ZDHHC21: variants seen among roughly 807,000 people sequenced by gnomAD.
ZDHHC21 encodes zDHHC palmitoyltransferase 21, also known as palmitoyltransferase ZDHHC21.
A neutral mutation model predicts 34.6 loss-of-function variants in ZDHHC21; 15 were observed. The ratio of observed to expected loss-of-function variants is 0.43; its 90% CI spans 0.29 to 0.67. ZDHHC21 has a LOEUF of 0.67. Ranked by LOEUF, ZDHHC21 falls within the 30% of genes least tolerant of loss-of-function variation. The pLI is 0.14. For synonymous variants in ZDHHC21, 142 were observed against 101.8 expected, an observed-to-expected ratio of 1.40 and a Z score of -2.38; for missense variants, 344 against 327.7, an observed-to-expected ratio of 1.05 and a Z score of -0.38.
chr9:14,649,230 G>A (rs1222749573), intron 7 of ZDHHC21, among the ~76,000 whole-genome samples: 1 of 151,920 alleles, frequency 6.6e-6, no homozygotes, highest in African/African-American at 2.4e-5. Context: ...GTTGTTAAAA[G>A]AATAGAAACA....
chr9:14,633,498 C>T (rs1213150838), intron 8 of ZDHHC21, among the ~76,000 whole-genome samples: 1 of 152,154 alleles, frequency 6.6e-6, no homozygotes, highest in East Asian at 1.9e-4. Context: ...TGCTGGGTCC[C>T]GCACAGCCTT....
intron 2 of ZDHHC21, among the ~76,000 whole-genome samples, chr9:14,684,001 G>A (rs113762508): frequency 0.021 from 3,130 of 152,210 alleles, 104 homozygotes; most frequent in African/African-American, 0.069. Flanking sequence ...AAATTCAACA[G>A]CCCTTCATGC....
chr9:14,631,042 A>G (rs771084803), intron 8 of ZDHHC21, among the ~76,000 whole-genome samples: 42 of 152,208 alleles, frequency 2.8e-4, no homozygotes, highest in Non-Finnish European at 5.6e-4. Context: ...CAAGAGAGTC[A>G]GTCTGTCCTG....
chr9:14,589,053 T>G, the ZDHHC21 span: 2 of 151,822 alleles, frequency 1.3e-5, no homozygotes, highest in African/African-American at 4.8e-5. Flanking sequence ...AAATTATGGC[T>G]CATAAATTAG....
rs1268492936 is a variant in ZDHHC21, at chr9:14,616,056, G to C, written c.*2910C>G. 1.3e-5 allele frequency: 2 copies of C among 151,392 alleles called. No individual in the cohort carries two copies. Among genetic ancestry groups the C allele is most frequent in the Non-Finnish European group, 3.0e-5 (2 of 67,624 alleles). The allele number at this position is 151,392 out of a possible 1,614,324, so 9.4% of individuals were successfully genotyped here. On this transcript the variant is annotated 3_prime_UTR_variant, in exon 10 of 10. Transcript: ENST00000380916. ...ACAAAGAAAAGGAAAATTATACAAA[G>C]AATCATTAATCTCTTAGTTATTTTA...
At chr9:14,644,517 A>G (rs1829948573) in intron 7 of ZDHHC21, among the ~76,000 whole-genome samples, 1 of 151,496 alleles carries the variant, frequency 6.6e-6, no homozygotes, top group Non-Finnish European at 1.5e-5. Flanking sequence ...TTTTTTTTTT[A>G]AGGGGGTCGG....
At chr9:14,681,424 C>G (rs1412497356) in intron 2 of ZDHHC21, among the ~76,000 whole-genome samples, 1 of 152,112 alleles carries the variant, frequency 6.6e-6, no homozygotes, top group African/African-American at 2.4e-5. Context: ...TGGTCATAGC[C>G]TACTAAACCA....
At chr9:14,623,275 G>A (rs555903776) in intron 8 of ZDHHC21, among the ~76,000 whole-genome samples, 1 of 152,158 alleles carries the variant, frequency 6.6e-6, no homozygotes, top group Non-Finnish European at 1.5e-5. Flanking sequence ...GACTTTGGGA[G>A]GCCAAGGCAG....
intron 7 of ZDHHC21, among the ~76,000 whole-genome samples, chr9:14,651,362 A>G (rs1224420902): frequency 2.0e-5 from 3 of 151,886 alleles, no homozygotes; most frequent in African/African-American, 7.2e-5. Context: ...GAAAAATGCA[A>G]AAAGTAGTAT....
At chr9:14,622,469 G>A (rs1042195718) in intron 8 of ZDHHC21, 1 of 959,594 alleles carries the variant, frequency 1.0e-6, no homozygotes, top group Non-Finnish European at 1.2e-6. Flanking sequence ...TTGATGTTAG[G>A]AAAATGAGAG....
chr9:14,639,344 C>A (rs1828892002), intron 8 of ZDHHC21, among the ~76,000 whole-genome samples: 1 of 151,954 alleles, frequency 6.6e-6, no homozygotes, highest in African/African-American at 2.4e-5. Context: ...ATGAGAGATA[C>A]AAGAGGCTGG....
chr9:14,641,741 T>C (rs745944253), intron 7 of ZDHHC21, among the ~76,000 whole-genome samples: 1 of 152,180 alleles, frequency 6.6e-6, no homozygotes, highest in African/African-American at 2.4e-5. Context: ...GATGCTCACT[T>C]CCATAAGAAA....
chr9:14,674,841 T>C (rs1225876423), intron 3 of ZDHHC21, among the ~76,000 whole-genome samples: 1 of 151,900 alleles, frequency 6.6e-6, no homozygotes, highest in Non-Finnish European at 1.5e-5. Context: ...GTTGCAGGGG[T>C]GTATATTAAC....
At chr9:14,656,453 CAT>C (rs1334299552) in intron 7 of ZDHHC21, among the ~76,000 whole-genome samples, 1 of 151,758 alleles carries the variant, frequency 6.6e-6, no homozygotes, top group Non-Finnish European at 1.5e-5. Context: ...ATTGAGATAA[CAT>C]ATAAACAAAA....
intron 8 of ZDHHC21, among the ~76,000 whole-genome samples, chr9:14,633,123 G>C (rs572494978): frequency 1.3e-5 from 2 of 152,172 alleles, no homozygotes; most frequent in South Asian, 4.1e-4. Context: ...CAAGATAGCT[G>C]ACTAGAAACA....
At chr9:14,647,299 TGAAAA>T (rs1207050283) in intron 7 of ZDHHC21, among the ~76,000 whole-genome samples, 2 of 152,110 alleles carry the variant, frequency 1.3e-5, no homozygotes, top group African/African-American at 4.8e-5. Flanking sequence ...GCAAGCTAAA[TGAAAA>T]GAAGAGTCAG....
At chr9:14,623,637 A>T (rs1306219007) in intron 8 of ZDHHC21, among the ~76,000 whole-genome samples, 12 of 121,908 alleles carry the variant, frequency 9.8e-5, no homozygotes, top group Admixed American at 3.7e-4. Context: ...AACACAAACA[A>T]CTCAACAGAA....
At chr9:14,643,837 TCTCTA>T (rs1470703451) in intron 7 of ZDHHC21, among the ~76,000 whole-genome samples, 1 of 152,200 alleles carries the variant, frequency 6.6e-6, no homozygotes, top group African/African-American at 2.4e-5. Context: ...ATGCATGGGC[TCTCTA>T]CTCTTGTTCC....
downstream of ZDHHC21, among the ~76,000 whole-genome samples, chr9:14,607,079 T>C (rs1265062461): frequency 1.9e-5 from 1 of 53,480 alleles, no homozygotes; most frequent in African/African-American, 1.1e-4. Flanking sequence ...CTGTTACTAA[T>C]AGCAAAAAAA....
Sources: gnomAD v4.1 joint callset for allele counts (sites outside exome capture counted in the v4.1 genomes callset) on GRCh38, gnomAD v4.1.1 for gene constraint, MANE v1.5 for transcripts, NCBI Gene and HGNC (gene_info 2026-07-23, HGNC 2026-07-21) for gene names.